Variants in GLRA2 observed in about 807,000 individuals in gnomAD.
GLRA2 encodes the protein glycine receptor alpha 2, also known as glycine receptor subunit alpha-2.
GLRA2 carries 11 observed loss-of-function variants against 31.6 expected under a neutral mutation model. The ratio of observed to expected loss-of-function variants is 0.35; its 90% CI spans 0.22 to 0.58. The LOEUF (loss-of-function observed/expected upper bound fraction) is 0.58. Ranked by LOEUF, GLRA2 falls within the 20% of genes least tolerant of loss-of-function variation. The pLI, the probability that GLRA2 is intolerant of heterozygous loss-of-function variation, is 0.84. For missense variants in GLRA2, 212 were observed against 351.8 expected (o/e 0.60, Z 3.18); for synonymous variants, 132 against 134.0 (o/e 0.99, Z 0.10).
intron 7 of GLRA2, among the ~76,000 whole-genome samples, chrX:14,631,124 T>C (rs184693143): frequency 6.7e-4 from 75 of 111,671 alleles, no homozygotes; most frequent in Non-Finnish European, 1.3e-3. Flanking sequence ...TGTTTCATTT[T>C]AGTTTTTACT....
chrX:14,728,676 C>T lies in GLRA2; in HGVS notation c.1081-1531C>T, dbSNP rs776444615. On this transcript the variant is annotated intron_variant, in intron 8 of 8. Coordinates refer to ENST00000218075, the MANE Select transcript of GLRA2 (RefSeq NM_002063.4). Reference sequence around the variant, plus strand: ...GATACTGTATCACAATGGGCAATGTCGATAAATCAAAAGCCTCAAGGACTG... The same window carrying T: ...GATACTGTATCACAATGGGCAATGTTGATAAATCAAAAGCCTCAAGGACTG... 6.2e-5 allele frequency among the ~76,000 whole-genome samples: 7 copies of T among 112,106 alleles called. No homozygotes were observed. The East Asian group carries it at 1.1e-3, about 18-fold the overall frequency.
intron 7 of GLRA2, among the ~76,000 whole-genome samples, chrX:14,678,317 G>T (rs933191986): frequency 4.4e-5 from 5 of 112,508 alleles, no homozygotes; most frequent in Non-Finnish European, 9.4e-5. Context: ...GTTTCAAAAT[G>T]AAATTGGTGT....
the GLRA2 span, among the ~76,000 whole-genome samples, chrX:14,507,100 C>T: frequency 3.6e-5 from 4 of 111,952 alleles, no homozygotes; most frequent in African/African-American, 9.7e-5. Context: ...CTGACTCATG[C>T]CCAACTAGAT....
At chrX:14,703,736 A>G (rs1009426526) in intron 8 of GLRA2, among the ~76,000 whole-genome samples, 1 of 111,719 alleles carries the variant, frequency 9.0e-6, no homozygotes, top group African/African-American at 3.3e-5. Flanking sequence ...GTGGCCCTCA[A>G]CCAATGAGAA....
chrX:14,697,893 T>C (rs1007822644), intron 8 of GLRA2, among the ~76,000 whole-genome samples: 1 of 112,481 alleles, frequency 8.9e-6, no homozygotes, highest in Non-Finnish European at 1.9e-5. Context: ...AACTACGTTT[T>C]ATTGTTTGAT....
chrX:14,459,979 G>T, the GLRA2 span, among the ~76,000 whole-genome samples: 9 of 111,980 alleles, frequency 8.0e-5, no homozygotes, highest in African/African-American at 2.9e-4. Flanking sequence ...TCCAGTTTTT[G>T]CCCATTCAGT....
At chrX:14,513,577 G>A in the GLRA2 span, among the ~76,000 whole-genome samples, 4 of 110,642 alleles carry the variant, frequency 3.6e-5, no homozygotes, top group Non-Finnish European at 5.7e-5. Context: ...TAAAAAAACC[G>A]AACAATCCCA....
chrX:14,679,090 C>T (rs2091173185), intron 7 of GLRA2, among the ~76,000 whole-genome samples: 1 of 110,541 alleles, frequency 9.0e-6, no homozygotes, highest in Non-Finnish European at 1.9e-5. Flanking sequence ...TGTTATAGCG[C>T]TCAACATACA....
chrX:14,609,219 C>T lies in GLRA2; in HGVS notation c.930+14C>T, dbSNP rs751753940. On this transcript the variant is annotated intron_variant, in intron 7 of 8. Transcript: ENST00000218075. ...TCTCTGCCAAAGGTAAGAAATCTTG[C>T]TTGATAACAGATGACATGAAAGCTT... The T allele has an allele frequency of 9.3e-7, 1 of 1,081,008 alleles. No individual in the cohort carries two copies. Among genetic ancestry groups the T allele is most frequent in the East Asian group, 3.0e-5 (1 of 33,085 alleles). 89.1% of individuals were successfully genotyped at this position (1,081,008 alleles called of 1,213,427 possible). A position where few individuals can be genotyped will look rare whatever the true frequency, so the allele number is the denominator to read the frequency against.
intron 7 of GLRA2, among the ~76,000 whole-genome samples, chrX:14,628,899 G>T (rs1201486532): frequency 9.0e-6 from 1 of 111,480 alleles, no homozygotes; most frequent in Non-Finnish European, 1.9e-5. Flanking sequence ...GGGCTGCACT[G>T]ATTACTGTGT....
intron 2 of GLRA2, among the ~76,000 whole-genome samples, chrX:14,532,691 C>CT (rs1281662167): frequency 9.0e-6 from 1 of 111,336 alleles, no homozygotes; most frequent in Non-Finnish European, 1.9e-5. Flanking sequence ...ACTTGACTTG[C>CT]TTGAATATCT....
chrX:14,691,169 C>T (rs778719549), intron 8 of GLRA2, among the ~76,000 whole-genome samples: 3 of 111,330 alleles, frequency 2.7e-5, no homozygotes, highest in Admixed American at 1.9e-4. Flanking sequence ...ATCTGAAATT[C>T]GGAAGTAACT....
At chrX:14,640,476 A>T (rs2090761095) in intron 7 of GLRA2, among the ~76,000 whole-genome samples, 1 of 111,980 alleles carries the variant, frequency 8.9e-6, no homozygotes, top group Admixed American at 9.5e-5. Flanking sequence ...TAAAATGCAT[A>T]AAATGCCCAT....
chrX:14,691,255 T>A (rs2091348952), intron 8 of GLRA2, among the ~76,000 whole-genome samples: 1 of 106,481 alleles, frequency 9.4e-6, no homozygotes, highest in South Asian at 4.2e-4. Context: ...AAAATCCTGG[T>A]TCTTCTAAAT....
chrX:14,454,700 A>G, the GLRA2 span, among the ~76,000 whole-genome samples: 1 of 111,309 alleles, frequency 9.0e-6, no homozygotes, highest in Middle Eastern at 4.2e-3. Flanking sequence ...TCCTACCTAC[A>G]CATGCTTCAC....
intron 4 of GLRA2, among the ~76,000 whole-genome samples, chrX:14,593,969 G>C (rs2090172518): frequency 1.8e-5 from 2 of 112,469 alleles, no homozygotes; most frequent in Non-Finnish European, 3.8e-5. Flanking sequence ...CCCTTTAGCT[G>C]CTTGTTAAAA....
the GLRA2 span, among the ~76,000 whole-genome samples, chrX:14,479,597 A>G: frequency 2.7e-5 from 3 of 111,258 alleles, no homozygotes; most frequent in Non-Finnish European, 5.7e-5. Context: ...TGAGTACCCA[A>G]TGTTTACTTC....
chrX:14,585,968 T>C (rs1032871999), intron 4 of GLRA2, among the ~76,000 whole-genome samples: 11 of 112,322 alleles, frequency 9.8e-5, no homozygotes, highest in African/African-American at 3.2e-4. Context: ...ATCAATTGCA[T>C]TTAATCTGGG....
the GLRA2 span, among the ~76,000 whole-genome samples, chrX:14,459,197 A>G: frequency 3.6e-5 from 4 of 111,262 alleles, no homozygotes; most frequent in South Asian, 1.5e-3. Flanking sequence ...ATGCAGCGCT[A>G]TTTCTGAGGG....
Sources: allele counts gnomAD v4.1 joint callset (sites outside exome capture counted in the v4.1 genomes callset), GRCh38; gene constraint gnomAD v4.1.1; transcripts MANE v1.5; gene names NCBI Gene and HGNC (gene_info 2026-07-23, HGNC 2026-07-21).